The following PHACTR1 variants were observed in gnomAD, a reference collection of about 807,000 sequenced individuals.
PHACTR1 encodes the protein RPEL repeat containing 1.
In PHACTR1, 16 loss-of-function variants were observed where a neutral mutation model predicts 69.2. The observed-to-expected ratio is 0.23, with a 90% confidence interval of 0.16 to 0.35. The LOEUF (loss-of-function observed/expected upper bound fraction) is 0.35, where lower values mean the gene tolerates loss of function less well. PHACTR1 is among the 10% of genes least tolerant of loss of function. The pLI is 1.00. For missense variants in PHACTR1, 510 were observed against 734.7 expected, an observed-to-expected ratio of 0.69 and a Z score of 3.54; for synonymous variants, 312 against 284.5, an observed-to-expected ratio of 1.10 and a Z score of -0.97.
intron 6 of PHACTR1, among the ~76,000 whole-genome samples, chr6:13,161,964 A>T (rs1255336989): frequency 2.0e-5 from 3 of 152,144 alleles, no homozygotes; most frequent in African/African-American, 7.2e-5. Flanking sequence ...TTATCCATCG[A>T]TTTCTGTGTA....
At chr6:12,721,086 G>A (rs1762063461) in intron 3 of PHACTR1, among the ~76,000 whole-genome samples, 1 of 152,152 alleles carries the variant, frequency 6.6e-6, no homozygotes, top group Admixed American at 6.5e-5. Flanking sequence ...ATCCTCTTCT[G>A]TTTAAAACTT....
At chr6:12,859,987 T>TCA (rs1780779790) in intron 4 of PHACTR1, among the ~76,000 whole-genome samples, 5 of 150,436 alleles carry the variant, frequency 3.3e-5, no homozygotes, top group Non-Finnish European at 7.4e-5. Flanking sequence ...GAAGGACATC[T>TCA]TCATCATCAT....
chr6:13,287,221 C>T lies in PHACTR1; in HGVS notation c.*143C>T, dbSNP rs1781863068. The T allele has an allele frequency of 2.9e-5, 26 of 899,694 alleles. 1 individual carries two copies. In the South Asian group the frequency reaches 4.2e-4, roughly 15 times the overall value. 55.7% of individuals were successfully genotyped at this position (899,694 alleles called of 1,614,324 possible). A position where few individuals can be genotyped will look rare whatever the true frequency, so the allele number is the denominator to read the frequency against. On this transcript the variant is annotated 3_prime_UTR_variant, in exon 15 of 15. Coordinates refer to ENST00000332995, the MANE Select transcript of PHACTR1 (RefSeq NM_030948.6). ...TTAAAAAGAAGAAAAATCAAGGAAA[C>T]ACAATCAGGATTTTATGTGTGAAAA...
At chr6:13,033,679 T>C (rs1802812412) in intron 4 of PHACTR1, among the ~76,000 whole-genome samples, 1 of 152,232 alleles carries the variant, frequency 6.6e-6, no homozygotes, top group East Asian at 1.9e-4. Flanking sequence ...TTTTGAAGCT[T>C]AATTCATGCA....
chr6:13,166,542 C>T (rs78978433), intron 6 of PHACTR1, among the ~76,000 whole-genome samples: 18 of 152,214 alleles, frequency 1.2e-4, no homozygotes, highest in Non-Finnish European at 1.5e-4. Context: ...TTCACTGCAC[C>T]GGCGAAATCC....
intron 8 of PHACTR1, among the ~76,000 whole-genome samples, chr6:13,223,635 G>T (rs1769051389): frequency 1.3e-5 from 2 of 152,106 alleles, no homozygotes; most frequent in Admixed American, 6.5e-5. Flanking sequence ...TTCAACTTTT[G>T]CATGCAGAAT....
At position 13,228,008 on chromosome 6, in the gene PHACTR1, A is replaced by C. The variant is rs2127314416; in HGVS notation, c.1179A>C (p.Thr393=). The change falls in exon 9 of 15, where the codon ACA becomes ACC. Residue 393 remains threonine (T), a synonymous_variant. Coordinates refer to ENST00000332995, the MANE Select transcript of PHACTR1 (RefSeq NM_030948.6). Reference sequence around the variant, plus strand: ...ACGAAGACTCTTCTTGCCTGTATACAAGAGAAGAGGAGGAAGAGGAGGAGG... The same window carrying C: ...ACGAAGACTCTTCTTGCCTGTATACCAGAGAAGAGGAGGAAGAGGAGGAGG... ...SDYEDSSCLY[T]REEEEEEEDE... 2 of 1,614,008 alleles carry C rather than the reference A, an allele frequency of 1.2e-6. No individual in the cohort carries two copies. The highest frequency in any genetic ancestry group is 1.1e-5 in the South Asian group (1 of 91,082).
intron 10 of PHACTR1, among the ~76,000 whole-genome samples, chr6:13,262,646 G>C (rs1776069388): frequency 6.6e-6 from 1 of 152,180 alleles, no homozygotes; most frequent in Admixed American, 6.5e-5. Context: ...AGGTTCTCAG[G>C]AGGAAGTTTC....
chr6:13,165,978 C>T (rs145082411), intron 6 of PHACTR1, among the ~76,000 whole-genome samples: 3 of 152,338 alleles, frequency 2.0e-5, no homozygotes, highest in East Asian at 1.9e-4. Context: ...TCTACAACAG[C>T]GTAAAGCCCT....
At chr6:13,238,547 C>T (rs536403759) in intron 10 of PHACTR1, among the ~76,000 whole-genome samples, 3 of 152,238 alleles carry the variant, frequency 2.0e-5, no homozygotes, top group Admixed American at 1.3e-4. Flanking sequence ...AAGGATTATG[C>T]GCTGCTTTAA....
chr6:13,196,420 C>CTTTTTTTTTTTGTTTT, intron 7 of PHACTR1: 1 of 135,694 alleles, frequency 7.4e-6, no homozygotes, highest in South Asian at 1.5e-4. Context: ...GGTTTTCTTT[C>CTTTTTTTTTTTGTTTT]TTTTTTTTTT....
intron 4 of PHACTR1, among the ~76,000 whole-genome samples, chr6:12,998,960 G>A (rs1385147648): frequency 6.6e-6 from 1 of 152,190 alleles, no homozygotes; most frequent in East Asian, 1.9e-4. Flanking sequence ...GTAGTACCAA[G>A]TAATGATGAA....
chr6:12,774,904 G>A, intron 4 of PHACTR1, among the ~76,000 whole-genome samples: 1 of 152,220 alleles, frequency 6.6e-6, no homozygotes, highest in Non-Finnish European at 1.5e-5. Flanking sequence ...ATAAAGTGAA[G>A]TAAGATGTTC....
chr6:13,208,936 G>A (rs1472995127), intron 8 of PHACTR1, among the ~76,000 whole-genome samples: 1 of 152,134 alleles, frequency 6.6e-6, no homozygotes, highest in Non-Finnish European at 1.5e-5. Context: ...GGCAGTCTCT[G>A]CGCTTTGTCC....
intron 8 of PHACTR1, among the ~76,000 whole-genome samples, chr6:13,215,564 T>A (rs766720488): frequency 3.9e-5 from 6 of 152,138 alleles, no homozygotes; most frequent in Non-Finnish European, 8.8e-5. Context: ...GAGAATGAGA[T>A]TGATGACGTA....
intron 4 of PHACTR1, among the ~76,000 whole-genome samples, chr6:12,836,176 C>G (rs889775371): frequency 1.3e-5 from 2 of 152,164 alleles, no homozygotes; most frequent in Non-Finnish European, 2.9e-5. Flanking sequence ...CTAAAGTCAT[C>G]AGAAAGTGCA....
At chr6:13,211,417 A>C (rs1766826185) in intron 8 of PHACTR1, among the ~76,000 whole-genome samples, 2 of 152,092 alleles carry the variant, frequency 1.3e-5, no homozygotes, top group African/African-American at 4.8e-5. Context: ...GTCAGATGTA[A>C]AGTCCTAATC....
chr6:13,089,987 C>T (rs144596715), intron 5 of PHACTR1, among the ~76,000 whole-genome samples: 112 of 152,216 alleles, frequency 7.4e-4, no homozygotes, highest in Middle Eastern at 6.8e-3. Context: ...TCAGGTAAGC[C>T]GAAATGCCAG....
At chr6:13,238,744 A>T (rs1029409015) in intron 10 of PHACTR1, among the ~76,000 whole-genome samples, 2 of 152,122 alleles carry the variant, frequency 1.3e-5, no homozygotes, top group Middle Eastern at 6.3e-3. Flanking sequence ...TCTCCCCAGG[A>T]ATCTAAGGAC....
Sources: allele counts gnomAD v4.1 joint callset (sites outside exome capture counted in the v4.1 genomes callset), GRCh38; gene constraint gnomAD v4.1.1; transcripts MANE v1.5; gene names NCBI Gene and HGNC (gene_info 2026-07-23, HGNC 2026-07-21).